The following CLASRP variants were observed in gnomAD, a reference collection of about 807,000 sequenced individuals.
CLASRP encodes CLK4 associating serine/arginine rich protein.
In CLASRP, 52 loss-of-function variants were observed where a neutral mutation model predicts 99.9. The ratio of observed to expected loss-of-function variants is 0.52; its 90% CI spans 0.42 to 0.66. The LOEUF (loss-of-function observed/expected upper bound fraction) is 0.66, where lower values mean the gene tolerates loss of function less well. Ranked by LOEUF, CLASRP falls within the 30% of genes least tolerant of loss-of-function variation. The pLI is 0.00. For missense variants in CLASRP, 848 were observed against 999.2 expected, an observed-to-expected ratio of 0.85 and a Z score of 2.04; for synonymous variants, 379 against 373.0, an observed-to-expected ratio of 1.02 and a Z score of -0.18.
chr19:45,061,437 G>T (rs188874077), intron 10 of CLASRP, among the ~76,000 whole-genome samples: 2 of 152,042 alleles, frequency 1.3e-5, no homozygotes, highest in South Asian at 4.2e-4. Flanking sequence ...ACCTCTCTGG[G>T]CCTCAGTTTC....
In CLASRP at chr19:45,064,637, G is replaced by A; in HGVS notation, c.1409+7G>A. ...GGCCCCGGCGCAGAAGCAGGTGTGT[G>A]TGGCTGGGCGTGGAGGTGGGAGGGG... On this transcript the variant is annotated splice_region_variant and intron_variant, in intron 13 of 20. Coordinates refer to ENST00000221455, the MANE Select transcript of CLASRP (RefSeq NM_007056.3). The A allele has an allele frequency of 6.5e-7, 1 of 1,542,016 alleles. No homozygotes were observed. The highest frequency in any genetic ancestry group is 8.7e-7 in the Non-Finnish European group (1 of 1,149,756).
chr19:45,058,945 TCATCCATC>T, intron 7 of CLASRP, among the ~76,000 whole-genome samples: 1 of 151,772 alleles, frequency 6.6e-6, no homozygotes, highest in South Asian at 2.1e-4. Context: ...TCCATTCCAT[TCATCCATC>T]CATCCATCCC....
intron 2 of CLASRP, among the ~76,000 whole-genome samples, chr19:45,046,671 G>T (rs548176521): frequency 6.6e-6 from 1 of 152,358 alleles, no homozygotes; most frequent in Admixed American, 6.5e-5. Context: ...ATGAATGAAT[G>T]AGTAACTTCA....
rs1966922736 is a variant in CLASRP at position 45,060,803 on chromosome 19, T to G, written c.863+176T>G. 6.6e-6 allele frequency among the ~76,000 whole-genome samples: 1 copy of G among 152,166 alleles called. No individual in the cohort carries two copies. The highest frequency in any genetic ancestry group is 6.5e-5 in the Admixed American group (1 of 15,286). On this transcript the variant is annotated intron_variant, in intron 10 of 20. Transcript: ENST00000221455. The surrounding 1 kb of genome is among the most constrained non-coding windows in gnomAD (Gnocchi z 4.6). ...GGTAGGAACGGCCTTGAGGGCCATGTGGACTCCTTTCCTTGCCAGCCCCTC... is the reference window on the plus strand; with the variant it reads ...GGTAGGAACGGCCTTGAGGGCCATGGGGACTCCTTTCCTTGCCAGCCCCTC...
Position 45,039,075 on chromosome 19 carries a change from C to G in CLASRP, c.-63C>G, listed in dbSNP as rs1971755455. On this transcript the variant is annotated 5_prime_UTR_variant, in exon 1 of 21. Transcript: ENST00000221455. ...ATTTCCGCTTCCGGTGCGGGCCGCG[C>G]GCGAGCGCAGCGGTGGGAGGCGGCG... is the stretch of plus-strand genomic sequence containing the variant. The G allele has an allele frequency of 1.3e-5, 2 of 152,144 alleles. No individual in the cohort carries two copies. Among genetic ancestry groups the G allele is most frequent in the Non-Finnish European group, 2.9e-5 (2 of 68,030 alleles). The allele number at this position is 152,144 out of a possible 1,614,324, so 9.4% of individuals were successfully genotyped here.
intron 13 of CLASRP, 66 bp downstream of exon 13, chr19:45,064,696 G>A: frequency 2.7e-6 from 4 of 1,470,696 alleles, no homozygotes; most frequent in Non-Finnish European, 3.6e-6. Flanking sequence ...CTGGGGAGAA[G>A]GTGCTCAGAG....
chr19:45,067,388 G>T lies in CLASRP; in HGVS notation c.1461G>T (p.Arg487Ser). The change falls in exon 14 of 21, where the codon AGG (arginine) becomes AGT (serine). Residue 487 changes from arginine (R) to serine (S), a missense_variant. Physicochemically the swap from Arg to Ser is moderately radical, Grantham distance 110. Transcript: ENST00000221455. This position sits in a 1 kb window ranked among gnomAD's most constrained non-coding sequence, Gnocchi z 4.9. ...DRYRRGGRGL[R>S]HHSSSRSRSS... ...ACAGGCGGGGCGGCCGGGGCCTCAG[G>T]CACCACAGCAGTAGCCGCAGCCGCA... The T allele has an allele frequency of 6.5e-7, 1 of 1,533,734 alleles. No individual in the cohort carries two copies. The highest frequency in any genetic ancestry group is 8.7e-7 in the Non-Finnish European group (1 of 1,144,780).
Position 45,044,735 on chromosome 19 carries a change from C to A in CLASRP, c.99+4424C>A, listed in dbSNP as rs149265407. Among the ~76,000 whole-genome samples, 1,029 of 152,226 alleles carry A rather than the reference C, an allele frequency of 6.8e-3. 18 individuals are homozygous for A. Among genetic ancestry groups the A allele is most frequent in the African/African-American group, 0.024 (982 of 41,542 alleles). On this transcript the variant is annotated intron_variant, in intron 2 of 20. Transcript: ENST00000221455. Reference sequence around the variant, plus strand: ...TGTGATTGCACCACTGCACTGGAACCTGGGTGACAGAGTGAGACCCTGTCT... The same window carrying A: ...TGTGATTGCACCACTGCACTGGAACATGGGTGACAGAGTGAGACCCTGTCT...
intron 13 of CLASRP, among the ~76,000 whole-genome samples, chr19:45,064,883 A>T: frequency 6.6e-6 from 1 of 152,042 alleles, no homozygotes; most frequent in East Asian, 1.9e-4. Context: ...GGGTGTGGAG[A>T]GGAGACTGTG....
chr19:45,061,185 T>C (rs762889146), intron 10 of CLASRP, among the ~76,000 whole-genome samples: 45 of 152,116 alleles, frequency 3.0e-4, no homozygotes, highest in Non-Finnish European at 6.5e-4. Context: ...CATGCCTCTT[T>C]TTGCCACATC....
chr19:45,039,277 G>T (rs1168295181), intron 1 of CLASRP, among the ~76,000 whole-genome samples, 169 bp downstream of exon 1: 1 of 151,762 alleles, frequency 6.6e-6, no homozygotes, highest in Non-Finnish European at 1.5e-5. Context: ...CCGAGCCCGT[G>T]CCCCGGCTGT....
chr19:45,055,276 C>T (rs1050279130), intron 5 of CLASRP, among the ~76,000 whole-genome samples: 7 of 152,154 alleles, frequency 4.6e-5, no homozygotes, highest in Admixed American at 3.3e-4. Flanking sequence ...CTGGGAGGCA[C>T]GGATAGGCCA....
At chr19:45,039,822 T>C (rs1971779157) in intron 1 of CLASRP, 1 of 172,154 alleles carries the variant, frequency 5.8e-6, no homozygotes, top group Non-Finnish European at 1.3e-5. Context: ...AGTTCTTCTC[T>C]TTCTCTTGAG....
chr19:45,070,748 GGT>G, intron 20 of CLASRP, 53 bp from the exon 21 acceptor site: 1 of 1,474,782 alleles, frequency 6.8e-7, no homozygotes, highest in Admixed American at 1.7e-5. Context: ...CACGGCCCCA[GGT>G]GTGTTGATGT....
intron 13 of CLASRP, among the ~76,000 whole-genome samples, chr19:45,065,887 C>T (rs747948967): frequency 8.5e-5 from 13 of 152,120 alleles, no homozygotes; most frequent in African/African-American, 1.2e-4. Context: ...GGCTAAGTGC[C>T]GTTAATATCG....
chr19:45,046,300 C>T (rs1003177230), intron 2 of CLASRP, among the ~76,000 whole-genome samples: 1 of 152,196 alleles, frequency 6.6e-6, no homozygotes, highest in Non-Finnish European at 1.5e-5. Flanking sequence ...TGCCTGCTTT[C>T]TCTCCCTGTC....
chr19:45,049,562 T>G (rs1305455293), intron 2 of CLASRP, among the ~76,000 whole-genome samples: 1 of 152,126 alleles, frequency 6.6e-6, no homozygotes, highest in Non-Finnish European at 1.5e-5. Context: ...TCCTGGTGAG[T>G]GACTCAGCTC....
At position 45,064,363 on chromosome 19, in the gene CLASRP, C is replaced by G; in HGVS notation, c.1142C>G (p.Ser381Cys). The change falls in exon 13 of 21, where the codon TCC (serine) becomes TGC (cysteine). Residue 381 changes from serine to cysteine, a missense_variant. Ser to Cys is a moderately radical substitution (Grantham distance 112). Around this residue, in one of 8 missense-constraint regions of CLASRP, gnomAD observed 489 missense variants for 434.7 expected, o/e 1.12. Transcript: ENST00000221455. ...ASARRRSSSS[S>C]SSSSASRTSS... Reference sequence around the variant, plus strand: ...TGCAGCCGCCGCTCCTCCTCCTCCTCCTCCTCCTCTTCTGCCTCGAGGACC... The same window carrying G: ...TGCAGCCGCCGCTCCTCCTCCTCCTGCTCCTCCTCTTCTGCCTCGAGGACC... 6.5e-7 allele frequency: 1 copy of G among 1,533,768 alleles called. No homozygotes were observed. Among genetic ancestry groups the G allele is most frequent in the East Asian group, 2.5e-5 (1 of 40,808 alleles).
intron 11 of CLASRP, 43 bp downstream of exon 11, chr19:45,062,238 T>C: frequency 9.0e-7 from 1 of 1,110,826 alleles, no homozygotes; most frequent in Non-Finnish European, 1.4e-6. Context: ...ACAGGGAGCC[T>C]CCTGATGGGG....
Sources: allele counts gnomAD v4.1 joint callset (sites outside exome capture counted in the v4.1 genomes callset), GRCh38; gene constraint gnomAD v4.1.1; regional missense constraint gnomAD v4.1.1; non-coding constraint Gnocchi (gnomAD v3.1); transcripts MANE v1.5; gene names NCBI Gene and HGNC (gene_info 2026-07-23, HGNC 2026-07-21).